The following NBAS variants were observed in gnomAD, a reference collection of about 807,000 sequenced individuals.
NBAS encodes NBAS subunit of NRZ tethering complex, also known as NAG/BC035112 fusion.
A neutral mutation model predicts 302.5 loss-of-function variants in NBAS; 219 were observed. The ratio of observed to expected loss-of-function variants is 0.72; its 90% CI spans 0.65 to 0.81. The LOEUF is 0.81. NBAS is among the 30% of genes least tolerant of loss of function. The probability of loss-of-function intolerance (pLI) is 0.00; values close to 1 mark genes in which losing one functional copy is unlikely to be tolerated. For missense variants in NBAS, 2,932 were observed against 2,841.6 expected (o/e 1.03, Z -0.72); for synonymous variants, 1,118 against 1,021.6 (o/e 1.09, Z -1.80).
the NBAS span, among the ~76,000 whole-genome samples, chr2:14,823,146 A>G: frequency 1.3e-5 from 2 of 152,334 alleles, no homozygotes; most frequent in South Asian, 2.1e-4. Flanking sequence ...CGATTTAAGC[A>G]AAGTGTGTTT....
chr2:14,785,501 CTTAA>C, the NBAS span, among the ~76,000 whole-genome samples: 1 of 152,084 alleles, frequency 6.6e-6, no homozygotes, highest in African/African-American at 2.4e-5. Flanking sequence ...CCCATCAGTA[CTTAA>C]TTTATTGAGA....
At chr2:15,535,582 T>TA (rs1663464914) in intron 8 of NBAS, among the ~76,000 whole-genome samples, 1 of 145,202 alleles carries the variant, frequency 6.9e-6, no homozygotes, top group African/African-American at 2.8e-5. Flanking sequence ...AAAAATAAAA[T>TA]AAAATGGCAT....
chr2:15,366,793 G>A, intron 31 of NBAS, 100 bp from the exon 32 acceptor site: 1 of 1,061,930 alleles, frequency 9.4e-7, no homozygotes, highest in East Asian at 2.4e-5. Context: ...TGAAAACTGG[G>A]TAAGGCATCA....
chr2:15,244,207 A>T (rs1046975260), intron 44 of NBAS, among the ~76,000 whole-genome samples: 50 of 152,294 alleles, frequency 3.3e-4, no homozygotes, highest in African/African-American at 1.2e-3. Context: ...ACCTGACTGA[A>T]TTTCTGAGAT....
intron 51 of NBAS, among the ~76,000 whole-genome samples, chr2:15,176,785 C>T (rs537603288): frequency 6.6e-6 from 1 of 152,238 alleles, no homozygotes; most frequent in East Asian, 1.9e-4. Context: ...TAGAGGTGTT[C>T]AACCTGTATA....
At chr2:15,324,070 G>A (rs1277811167) in intron 38 of NBAS, among the ~76,000 whole-genome samples, 7 of 152,118 alleles carry the variant, frequency 4.6e-5, no homozygotes, top group African/African-American at 1.7e-4. Flanking sequence ...AGATGGTAGC[G>A]AGGACAATCA....
the NBAS span, among the ~76,000 whole-genome samples, chr2:14,912,650 C>A: frequency 6.7e-6 from 1 of 150,176 alleles, no homozygotes; most frequent in Non-Finnish European, 1.5e-5. Context: ...CTTCTTCTGT[C>A]ACTCCCAGTT....
At chr2:14,783,217 C>G in the NBAS span, among the ~76,000 whole-genome samples, 3 of 151,984 alleles carry the variant, frequency 2.0e-5, 1 homozygote, top group African/African-American at 7.3e-5. Flanking sequence ...AACTAGTCAC[C>G]CTGTTGTGAC....
intron 35 of NBAS, among the ~76,000 whole-genome samples, chr2:15,335,711 A>G (rs1217167437): frequency 6.6e-6 from 1 of 152,170 alleles, no homozygotes; most frequent in Non-Finnish European, 1.5e-5. Context: ...AGCTCTTTAT[A>G]TATTCTGGAT....
intron 6 of NBAS, among the ~76,000 whole-genome samples, chr2:15,542,352 A>C (rs1262075324): frequency 9.6e-6 from 1 of 104,190 alleles, no homozygotes; most frequent in Non-Finnish European, 2.1e-5. Flanking sequence ...TCTCTGAAAC[A>C]TGTGCTGTGT....
intron 35 of NBAS, among the ~76,000 whole-genome samples, chr2:15,332,092 G>T (rs1304353268): frequency 6.6e-6 from 1 of 152,194 alleles, no homozygotes; most frequent in Non-Finnish European, 1.5e-5. Context: ...TAGGCAGCCT[G>T]TAGACACTGA....
At chr2:15,509,669 T>C (rs1662047109) in intron 10 of NBAS, among the ~76,000 whole-genome samples, 1 of 152,254 alleles carries the variant, frequency 6.6e-6, no homozygotes, top group South Asian at 2.1e-4. Flanking sequence ...TAATAGTTTG[T>C]TGTTTTAGAA....
At chr2:14,779,789 T>C in the NBAS span, among the ~76,000 whole-genome samples, 1 of 152,240 alleles carries the variant, frequency 6.6e-6, no homozygotes, top group South Asian at 2.1e-4. Context: ...GATTTTTGTC[T>C]TTTTTGTTCA....
Position 15,286,826 on chromosome 2 carries a change from A to G in NBAS, c.5138+247T>C, listed in dbSNP as rs1670062688. ...GCTAGGATGCCTGTTTTTGCTCATC[A>G]TTGTAACCCTAGTGGCTAATACTTA... On this transcript the variant is annotated intron_variant, in intron 42 of 51. Transcript: ENST00000281513. Among the ~76,000 whole-genome samples the G allele has an allele frequency of 2.6e-5, 4 of 152,306 alleles. No individual in the cohort carries two copies. In the South Asian group the frequency reaches 8.3e-4, roughly 32 times the overall value.
At chr2:15,111,120 C>G in the NBAS span, among the ~76,000 whole-genome samples, 1 of 152,100 alleles carries the variant, frequency 6.6e-6, no homozygotes, top group Admixed American at 6.5e-5. Flanking sequence ...TGGGCACCAG[C>G]CTGTAATAAA....
intron 44 of NBAS, among the ~76,000 whole-genome samples, chr2:15,260,072 C>T (rs1266990326): frequency 6.6e-6 from 1 of 152,144 alleles, no homozygotes; most frequent in African/African-American, 2.4e-5. Context: ...TATCAAATCA[C>T]ATATGTTGTA....
Position 15,442,401 on chromosome 2 carries a change from T to C in NBAS, c.2340-14607A>G, listed in dbSNP as rs1279486042. On this transcript the variant is annotated intron_variant, in intron 21 of 51. Coordinates refer to ENST00000281513, the MANE Select transcript of NBAS (RefSeq NM_015909.4). ...ACTGAACAACCTGCTCCTGAATGACTACTGGGTACATAACAAAATGAAGGC... is the reference window on the plus strand; with the variant it reads ...ACTGAACAACCTGCTCCTGAATGACCACTGGGTACATAACAAAATGAAGGC... Among the ~76,000 whole-genome samples, 430 of 151,422 alleles carry C rather than the reference T, an allele frequency of 2.8e-3. 2 individuals carry two copies. The highest frequency in any genetic ancestry group is 9.9e-3 in the African/African-American group (408 of 41,308).
intron 40 of NBAS, among the ~76,000 whole-genome samples, chr2:15,295,620 C>T (rs138119290): frequency 2.0e-5 from 3 of 152,318 alleles, no homozygotes; most frequent in African/African-American, 2.4e-5. Flanking sequence ...AAGCCATATA[C>T]AAATCATAGT....
chr2:15,444,716 C>T (rs1418743289), intron 21 of NBAS, among the ~76,000 whole-genome samples: 36 of 150,954 alleles, frequency 2.4e-4, no homozygotes, highest in Non-Finnish European at 3.0e-5. Context: ...AGTGAACAGG[C>T]AACCTACAAA....
Sources: gnomAD v4.1 joint callset for allele counts (sites outside exome capture counted in the v4.1 genomes callset) on GRCh38, gnomAD v4.1.1 for gene constraint, MANE v1.5 for transcripts, NCBI Gene and HGNC (gene_info 2026-07-23, HGNC 2026-07-21) for gene names.